MYRIP: variants seen among roughly 807,000 people sequenced by gnomAD.
MYRIP encodes the protein rab effector MyRIP.
A neutral mutation model predicts 98.0 loss-of-function variants in MYRIP; 49 were observed. The ratio of observed to expected loss-of-function variants is 0.50; its 90% CI spans 0.40 to 0.63. The LOEUF is 0.63. MYRIP is among the 30% of genes least tolerant of loss of function. The probability of loss-of-function intolerance (pLI) is 0.00; values close to 1 mark genes in which losing one functional copy is unlikely to be tolerated. For synonymous variants in MYRIP, 404 were observed against 409.5 expected, an observed-to-expected ratio of 0.99 and a Z score of 0.16; for missense variants, 1,004 against 1,058.2, an observed-to-expected ratio of 0.95 and a Z score of 0.71.
chr3:39,835,399 A>G (rs997410712), intron 1 of MYRIP, among the ~76,000 whole-genome samples: 1 of 152,188 alleles, frequency 6.6e-6, no homozygotes, highest in Non-Finnish European at 1.5e-5. Flanking sequence ...TGAATAAAAG[A>G]ATAGAGACAG....
chr3:40,251,618 G>T (rs1259860155), intron 15 of MYRIP, among the ~76,000 whole-genome samples: 1 of 152,132 alleles, frequency 6.6e-6, no homozygotes, highest in Non-Finnish European at 1.5e-5. Context: ...TCTATTTCAG[G>T]ACTGCACATA....
chr3:40,081,776 T>C (rs945961938), intron 3 of MYRIP, among the ~76,000 whole-genome samples: 1 of 152,108 alleles, frequency 6.6e-6, no homozygotes, highest in Non-Finnish European at 1.5e-5. Context: ...ATCTCAAAAA[T>C]GTATTCCCTC....
At chr3:40,133,383 G>A (rs1949687038) in intron 3 of MYRIP, among the ~76,000 whole-genome samples, 1 of 152,212 alleles carries the variant, frequency 6.6e-6, no homozygotes, top group African/African-American at 2.4e-5. Context: ...ACAAAAAGTT[G>A]TGTCTGCAGA....
intron 16 of MYRIP, among the ~76,000 whole-genome samples, chr3:40,255,503 G>A (rs1953552762): frequency 1.3e-5 from 2 of 152,090 alleles, no homozygotes; most frequent in African/African-American, 2.4e-5. Flanking sequence ...AAGTAACACA[G>A]AAAGGTTAAA....
intron 3 of MYRIP, among the ~76,000 whole-genome samples, chr3:40,113,468 C>A (rs939291297): frequency 6.6e-6 from 1 of 151,714 alleles, no homozygotes; most frequent in Non-Finnish European, 1.5e-5. Flanking sequence ...ATTAAAAAGA[C>A]CTCAGTCCAT....
intron 2 of MYRIP, among the ~76,000 whole-genome samples, chr3:39,902,860 C>T (rs1189166930): frequency 6.6e-6 from 1 of 152,190 alleles, no homozygotes; most frequent in Non-Finnish European, 1.5e-5. Context: ...GTAGACCCAA[C>T]AAAATGGGCA....
chr3:40,191,824 G>A (rs991590295), intron 10 of MYRIP, among the ~76,000 whole-genome samples: 1 of 152,128 alleles, frequency 6.6e-6, no homozygotes, highest in Admixed American at 6.5e-5. Context: ...GGAGACTGTT[G>A]TCCAGAAACA....
At chr3:40,221,520 A>G (rs1278980699) in intron 11 of MYRIP, among the ~76,000 whole-genome samples, 1 of 151,852 alleles carries the variant, frequency 6.6e-6, no homozygotes, top group East Asian at 1.9e-4. Context: ...GGTCCCAGCT[A>G]CTCCGGAGGC....
rs750089560 is a variant in MYRIP at position 40,258,113 on chromosome 3, G to A, written c.2548-21G>A. On this transcript the variant is annotated intron_variant, in intron 16 of 16. Coordinates refer to ENST00000302541, the MANE Select transcript of MYRIP (RefSeq NM_015460.4). ...CTCTTCCCAAGTGGCTGATGGGAGT[G>A]TGTTCAATGTCTCACCTCAGGAGCC... 12 of 1,614,148 alleles carry A rather than the reference G, an allele frequency of 7.4e-6. No individual in the cohort carries two copies. In the Middle Eastern group the frequency reaches 1.5e-3, roughly 200 times the overall value.
intron 1 of MYRIP, among the ~76,000 whole-genome samples, chr3:39,881,197 A>T (rs796960509): frequency 6.6e-6 from 1 of 151,518 alleles, no homozygotes; most frequent in Non-Finnish European, 1.5e-5. Context: ...GTTTTCTTCA[A>T]CTCTGAGCAT....
chr3:40,074,979 GAT>G (rs1453749120), intron 3 of MYRIP, among the ~76,000 whole-genome samples: 1 of 151,960 alleles, frequency 6.6e-6, no homozygotes, highest in Non-Finnish European at 1.5e-5. Flanking sequence ...ACAAAACAAA[GAT>G]ACTAAAATAG....
chr3:40,015,624 A>G (rs968486125), intron 2 of MYRIP, among the ~76,000 whole-genome samples: 1 of 152,198 alleles, frequency 6.6e-6, no homozygotes, highest in Non-Finnish European at 1.5e-5. Context: ...GCCCAGTGGC[A>G]TGGCCTGGTA....
At chr3:40,068,792 G>A (rs1436624788) in intron 3 of MYRIP, among the ~76,000 whole-genome samples, 1 of 152,152 alleles carries the variant, frequency 6.6e-6, no homozygotes, top group Non-Finnish European at 1.5e-5. Flanking sequence ...TTATATTTTA[G>A]CATGTTGTCT....
intron 10 of MYRIP, among the ~76,000 whole-genome samples, chr3:40,207,630 C>T (rs1447947451): frequency 6.6e-6 from 1 of 152,160 alleles, no homozygotes; most frequent in African/African-American, 2.4e-5. Context: ...TATGAAAGAA[C>T]ATGTCACATA....
intron 11 of MYRIP, among the ~76,000 whole-genome samples, chr3:40,231,438 C>T (rs1040276888): frequency 6.6e-6 from 1 of 152,068 alleles, no homozygotes; most frequent in Non-Finnish European, 1.5e-5. Flanking sequence ...TAGAATGAAC[C>T]GTGGGGAATG....
At chr3:40,124,749 C>G (rs1949486539) in intron 3 of MYRIP, among the ~76,000 whole-genome samples, 1 of 152,174 alleles carries the variant, frequency 6.6e-6, no homozygotes, top group Non-Finnish European at 1.5e-5. Flanking sequence ...CTGAGACCAG[C>G]AGAACACAGC....
At chr3:40,191,053 CAT>C (rs1373709934) in intron 10 of MYRIP, among the ~76,000 whole-genome samples, 1 of 152,216 alleles carries the variant, frequency 6.6e-6, no homozygotes, top group Admixed American at 6.5e-5. Flanking sequence ...TCTCAGTAAA[CAT>C]TATTTCAATA....
chr3:40,205,200 T>TTC (rs1458288351), intron 10 of MYRIP, among the ~76,000 whole-genome samples: 2 of 152,144 alleles, frequency 1.3e-5, no homozygotes, highest in East Asian at 3.9e-4. Flanking sequence ...GCAAGGCTGC[T>TTC]TCTCTCTGGA....
intron 3 of MYRIP, among the ~76,000 whole-genome samples, chr3:40,044,637 T>C (rs1012718662): frequency 1.3e-5 from 2 of 152,126 alleles, no homozygotes; most frequent in African/African-American, 4.8e-5. Context: ...GGAAACATGA[T>C]GGTGAATTAG....
Sources: allele counts gnomAD v4.1 joint callset (sites outside exome capture counted in the v4.1 genomes callset), GRCh38; gene constraint gnomAD v4.1.1; transcripts MANE v1.5; gene names NCBI Gene and HGNC (gene_info 2026-07-23, HGNC 2026-07-21).